TPR: variants seen among roughly 807,000 people sequenced by gnomAD.
The protein encoded by TPR is nucleoprotein TPR.
A neutral mutation model predicts 316.1 loss-of-function variants in TPR; 51 were observed. The observed-to-expected ratio is 0.16, with a 90% confidence interval of 0.13 to 0.20. TPR has a LOEUF of 0.20. Among genes scored for constraint, TPR ranks in the 10% least tolerant of loss-of-function variants. The pLI is 1.00. For missense variants in TPR, 2,272 were observed against 2,754.8 expected, an observed-to-expected ratio of 0.82 and a Z score of 3.92; for synonymous variants, 981 against 914.7, an observed-to-expected ratio of 1.07 and a Z score of -1.31.
chr1:186,355,573 T>C lies in TPR; in HGVS notation c.2023-15A>G, dbSNP rs1216793244. The C allele has an allele frequency of 1.2e-6, 2 of 1,612,036 alleles. No individual in the cohort carries two copies. The highest frequency in any genetic ancestry group is 1.7e-6 in the Non-Finnish European group (2 of 1,179,644). On this transcript the variant is annotated splice_polypyrimidine_tract_variant and intron_variant, in intron 16 of 50. Transcript: ENST00000367478. Reference sequence around the variant, plus strand: ...ATTTCCTGCAACTAAATATTGGAGATTATGAGAAGGTAACACTGTGTTCTC... The same window carrying C: ...ATTTCCTGCAACTAAATATTGGAGACTATGAGAAGGTAACACTGTGTTCTC...
intron 18 of TPR, 147 bp from the exon 19 acceptor site, chr1:186,352,257 AAC>A (rs2101976034): frequency 2.9e-6 from 2 of 685,868 alleles, no homozygotes; most frequent in Non-Finnish European, 4.1e-6. Context: ...GGAAATACAA[AAC>A]AGTTTCATGT....
chr1:186,350,355 T>C lies in TPR; in HGVS notation c.2644A>G (p.Thr882Ala). 3.1e-6 allele frequency: 5 copies of C among 1,609,450 alleles called. No homozygotes were observed. The South Asian group carries it at 4.4e-5, about 14-fold the overall frequency. The change falls in exon 21 of 51, where the codon ACA becomes GCA. Residue 882 changes from threonine (T) to alanine (A), a missense_variant. Coordinates refer to ENST00000367478, the MANE Select transcript of TPR (RefSeq NM_003292.3). ...QLLDTKRQLD[T>A]ETNLHLNTKE... ...GTGTTAAGATGAAGATTTGTCTCTG[T>C]ATCCAGTTGTCTCTTTGTATCTAAA...
intron 10 of TPR, 34 bp downstream of exon 10, chr1:186,360,731 T>C (rs1282441099): frequency 3.1e-6 from 5 of 1,610,404 alleles, no homozygotes; most frequent in Non-Finnish European, 4.2e-6. Context: ...AGCTGTAGTA[T>C]TTCAACTCAC....
In TPR at chr1:186,332,185, C is replaced by T; in HGVS notation, c.5604+10G>A. ...TAAAAGTTAAAATACACAGAAAGAA[C>T]TTTACGCACCTCAGTTCCTACAGGT... On this transcript the variant is annotated intron_variant, in intron 38 of 50. Transcript: ENST00000367478. 1.2e-6 allele frequency: 2 copies of T among 1,600,066 alleles called. No homozygotes were observed. The highest frequency in any genetic ancestry group is 8.5e-7 in the Non-Finnish European group (1 of 1,174,034).
At chr1:186,367,771 T>C (rs185215290) in intron 4 of TPR, 115 bp downstream of exon 4, 304 of 638,750 alleles carry the variant, frequency 4.8e-4, no homozygotes, top group Non-Finnish European at 2.8e-4. Flanking sequence ...GACAACTCTA[T>C]ACTCAACCAT....
chr1:186,329,852 A>G (rs1658106672), intron 39 of TPR, among the ~76,000 whole-genome samples: 1 of 152,308 alleles, frequency 6.6e-6, no homozygotes, highest in Non-Finnish European at 1.5e-5. Flanking sequence ...TAATTATAGC[A>G]TAAGATGATC....
chr1:186,354,388 A>G (rs1265890591), intron 17 of TPR, among the ~76,000 whole-genome samples: 3 of 152,214 alleles, frequency 2.0e-5, no homozygotes, highest in Non-Finnish European at 4.4e-5. Flanking sequence ...AAGTTATTAT[A>G]CAGGGTTAGT....
In TPR at chr1:186,327,275, T is replaced by TAAATATATATAA. The variant is rs1658019620; in HGVS notation, c.5889+184_5889+185insTTATATATATTT. On this transcript the variant is annotated intron_variant, in intron 40 of 50. Coordinates refer to ENST00000367478, the MANE Select transcript of TPR (RefSeq NM_003292.3). The stretch of plus-strand genomic sequence containing the variant: ...TATATAAATATATAATATATATATT[T>TAAATATATATAA]ATATATAATATATATAAATATATAA... Among the ~76,000 whole-genome samples, 2 of 4,132 alleles carry TAAATATATATAA rather than the reference T, an allele frequency of 4.8e-4. 1 individual carries two copies. The highest frequency in any genetic ancestry group is 0.024 in the South Asian group (2 of 82). The allele number at this position is 4,132 out of a possible 152,430, so 2.7% of individuals were successfully genotyped here.
intron 26 of TPR, 73 bp downstream of exon 26, chr1:186,343,833 C>G: frequency 1.6e-6 from 2 of 1,285,872 alleles, no homozygotes; most frequent in African/African-American, 1.5e-5. Context: ...ATCTCCTTCT[C>G]TAATTTATAT....
chr1:186,324,032 C>T (rs35131069), intron 42 of TPR, among the ~76,000 whole-genome samples, 162 bp from the exon 43 acceptor site: 13,598 of 151,926 alleles, frequency 0.09, 953 homozygotes, highest in East Asian at 0.38. Flanking sequence ...GGTTTTACAC[C>T]CAGAGACAAT....
At chr1:186,374,354 T>G (rs944641437) in intron 1 of TPR, among the ~76,000 whole-genome samples, 1 of 152,346 alleles carries the variant, frequency 6.6e-6, no homozygotes, top group South Asian at 2.1e-4. Flanking sequence ...TATATTAAAT[T>G]TATGTACTGC....
In TPR at chr1:186,361,880, T is replaced by G. The variant is rs374371767; in HGVS notation, c.790-11A>C. ...CTGTTGTTCCTTGGCCTGAAAAAAA[T>G]AGCCCAATTATAGCAGTCTACTTTG... On this transcript the variant is annotated splice_polypyrimidine_tract_variant and intron_variant, in intron 7 of 50. Coordinates refer to ENST00000367478, the MANE Select transcript of TPR (RefSeq NM_003292.3). The G allele has an allele frequency of 1.9e-6, 3 of 1,611,174 alleles. No homozygotes were observed. Among genetic ancestry groups the G allele is most frequent in the African/African-American group, 2.7e-5 (2 of 74,614 alleles).
chr1:186,359,013 A>C (rs898350191), intron 12 of TPR, among the ~76,000 whole-genome samples: 2 of 152,140 alleles, frequency 1.3e-5, no homozygotes, highest in African/African-American at 4.8e-5. Context: ...CTGATATAAT[A>C]AAGTACTTGG....
chr1:186,344,553 T>C lies in TPR; in HGVS notation c.3239A>G (p.Asn1080Ser). The change falls in exon 25 of 51, where the codon AAT (asparagine) becomes AGT (serine). Residue 1080 changes from asparagine (N) to serine (S), a missense_variant. Physicochemically the swap from Asn to Ser is conservative, Grantham distance 46. This residue lies in a region of TPR where 757 missense variants were observed against 859.8 expected (regional missense o/e 0.88). Transcript: ENST00000367478. ...EQAKIAVEAQ[N>S]KYERELMLHA... ...CAGCATCAATTCTCTCTCATACTTA[T>C]TCTGAGCTTCCACAGCTATTTTAGC... is the stretch of plus-strand genomic sequence containing the variant. The C allele has an allele frequency of 6.3e-7, 1 of 1,581,852 alleles. No individual in the cohort carries two copies. Among genetic ancestry groups the C allele is most frequent in the Non-Finnish European group, 8.6e-7 (1 of 1,165,268 alleles).
chr1:186,359,377 A>G (rs568069355), intron 12 of TPR, among the ~76,000 whole-genome samples: 1 of 152,268 alleles, frequency 6.6e-6, no homozygotes, highest in South Asian at 2.1e-4. Flanking sequence ...GGTATAAAAA[A>G]GGAGTTCTAC....
intron 4 of TPR, among the ~76,000 whole-genome samples, chr1:186,367,532 T>C (rs915502019): frequency 3.3e-5 from 5 of 152,350 alleles, no homozygotes; most frequent in South Asian, 2.1e-4. Context: ...GCTTATTATA[T>C]AGCAAGGATG....
At position 186,360,649 on chromosome 1, in the gene TPR, C is replaced by T. The variant is rs1320350558; in HGVS notation, c.1099+116G>A. ...TAAAACAAATTCTATTAATATAACT[C>T]GATGGAGTTTCCTACATCACAGCAT... On this transcript the variant is annotated intron_variant, in intron 10 of 50. Coordinates refer to ENST00000367478, the MANE Select transcript of TPR (RefSeq NM_003292.3). The T allele has an allele frequency of 1.5e-5, 20 of 1,339,388 alleles. No homozygotes were observed. In the Admixed American group the frequency reaches 1.7e-4, roughly 12 times the overall value. The allele number at this position is 1,339,388 out of a possible 1,614,324, so 83.0% of individuals were successfully genotyped here. A position where few individuals can be genotyped will look rare whatever the true frequency, so the allele number is the denominator to read the frequency against.
intron 21 of TPR, among the ~76,000 whole-genome samples, chr1:186,349,543 C>T (rs937420455): frequency 2.0e-5 from 3 of 151,530 alleles, no homozygotes; most frequent in Non-Finnish European, 2.9e-5. Context: ...GCCTGTAGTC[C>T]CAGCTACTCG....
In TPR at chr1:186,361,802, G is replaced by A; in HGVS notation, c.857C>T (p.Ser286Phe). 2 of 1,613,046 alleles carry A rather than the reference G, an allele frequency of 1.2e-6. No individual in the cohort carries two copies. The highest frequency in any genetic ancestry group is 1.7e-6 in the Non-Finnish European group (2 of 1,179,288). Residue 286 changes from serine to phenylalanine, a missense_variant, in exon 8 of 51, where the codon TCT becomes TTT. By Grantham distance (155) the Ser-to-Phe change is radical. This residue lies in a region of TPR where 549 missense variants were observed against 598.6 expected (regional missense o/e 0.92). Coordinates refer to ENST00000367478, the MANE Select transcript of TPR (RefSeq NM_003292.3). ...TGGGATATTTACCTTGTACAAATTA[G>A]AAAGTTTTATGTGGGCATTTAATTC... ...HNELNAHIKL[S>F]NLYKSAADDS...
Sources: gnomAD v4.1 joint callset for allele counts (sites outside exome capture counted in the v4.1 genomes callset) on GRCh38, gnomAD v4.1.1 for gene constraint, gnomAD v4.1.1 regional missense constraint, MANE v1.5 for transcripts, NCBI Gene and HGNC (gene_info 2026-07-23, HGNC 2026-07-21) for gene names.